Variants in SND1 observed in about 807,000 individuals in gnomAD.
SND1 encodes the protein staphylococcal nuclease and tudor domain containing 1.
SND1 carries 38 observed loss-of-function variants against 121.7 expected under a neutral mutation model. The observed-to-expected ratio is 0.31, with a 90% CI of 0.24 to 0.41. The LOEUF is 0.41. Ranked by LOEUF, SND1 falls within the 10% of genes least tolerant of loss-of-function variation. The pLI is 1.00. For synonymous variants in SND1, 401 were observed against 447.4 expected, an observed-to-expected ratio of 0.90 and a Z score of 1.31; for missense variants, 868 against 1,184.6, an observed-to-expected ratio of 0.73 and a Z score of 3.92.
At chr7:127,662,978 C>A (rs955070699) in intron 1 of SND1, among the ~76,000 whole-genome samples, 1 of 150,400 alleles carries the variant, frequency 6.6e-6, no homozygotes, top group African/African-American at 2.5e-5. Context: ...GCAGCCTCAA[C>A]CTCCCAGGCT....
At position 127,819,968 on chromosome 7, in the gene SND1, CTCTACTGTT is replaced by C. The variant is rs562541435; in HGVS notation, c.1242+12399_1242+12407del. Among the ~76,000 whole-genome samples the C allele has an allele frequency of 2.0e-3, 306 of 152,236 alleles. 2 individuals are homozygous for C. Among genetic ancestry groups the C allele is most frequent in the Admixed American group, 3.4e-3 (52 of 15,288 alleles). ...TTGCTGAGAATGCTATAATGTAAAT[CTCTACTGTT>C]TCTGTGCAGTGACTTTAATTATCTT... On this transcript the variant is annotated intron_variant, in intron 11 of 23. Coordinates refer to ENST00000354725, the MANE Select transcript of SND1 (RefSeq NM_014390.4).
At chr7:127,763,643 T>C (rs750412511) in intron 10 of SND1, among the ~76,000 whole-genome samples, 3 of 152,206 alleles carry the variant, frequency 2.0e-5, no homozygotes, top group African/African-American at 4.8e-5. Flanking sequence ...TTATTGATAA[T>C]TGACAGCAGG....
intron 10 of SND1, among the ~76,000 whole-genome samples, chr7:127,728,867 A>G (rs908464392): frequency 2.0e-5 from 3 of 152,154 alleles, no homozygotes; most frequent in Non-Finnish European, 2.9e-5. Flanking sequence ...GACTTGAGCC[A>G]ATGTGCTGGT....
chr7:127,745,711 A>C (rs1447293875), intron 10 of SND1, among the ~76,000 whole-genome samples: 1 of 152,198 alleles, frequency 6.6e-6, no homozygotes, highest in Non-Finnish European at 1.5e-5. Context: ...GGGCTACCAC[A>C]AAGTTACTTA....
intron 16 of SND1, among the ~76,000 whole-genome samples, chr7:128,022,603 T>C (rs915516170): frequency 2.6e-5 from 4 of 152,240 alleles, no homozygotes; most frequent in Admixed American, 6.5e-5. Context: ...CATCACTATT[T>C]TTATTGGAAA....
chr7:127,814,455 A>G lies in SND1; in HGVS notation c.1242+6882A>G, dbSNP rs575734241. Among the ~76,000 whole-genome samples the G allele has an allele frequency of 2.8e-4, 43 of 152,262 alleles. No individual in the cohort carries two copies. In the South Asian group the frequency reaches 5.6e-3, roughly 20 times the overall value. ...CTTGGGCTTGATGATACTGTGCAGA[A>G]TATCTTATGTTGTAGACGAGTGTGA... is the stretch of plus-strand genomic sequence containing the variant. On this transcript the variant is annotated intron_variant, in intron 11 of 23. Transcript: ENST00000354725.
rs757913114 is a variant in SND1 at position 127,697,471 on chromosome 7, C to CT, written c.350-1401dup. Among the ~76,000 whole-genome samples, 71 of 152,334 alleles carry CT rather than the reference C, an allele frequency of 4.7e-4. 2 individuals carry two copies. The highest frequency in any genetic ancestry group is 6.8e-3 in the Middle Eastern group (2 of 294). The stretch of plus-strand genomic sequence containing the variant: ...ACCTTGTTTGTACCTGGGCTTCGTT[C>CT]TTTCCACCCCCAGATCTCCTGGCAC... On this transcript the variant is annotated intron_variant, in intron 3 of 23. Coordinates refer to ENST00000354725, the MANE Select transcript of SND1 (RefSeq NM_014390.4).
chr7:127,711,257 T>C (rs899159187), intron 9 of SND1, among the ~76,000 whole-genome samples: 1 of 152,238 alleles, frequency 6.6e-6, no homozygotes, highest in Non-Finnish European at 1.5e-5. Context: ...TTTGCAACTT[T>C]GTTTTAGTGG....
Position 128,089,610 on chromosome 7 carries a change from C to T in SND1, c.2540C>T (p.Ser847Phe). 6.2e-7 allele frequency: 1 copy of T among 1,614,190 alleles called. No homozygotes were observed. Among genetic ancestry groups the T allele is most frequent in the African/African-American group, 1.3e-5 (1 of 75,058 alleles). ...CATGTCACCCTGCAGTTTGCAGATTCCAAGGGCGATGTGGGGCTGGGCTTG... is the reference window on the plus strand; with the variant it reads ...CATGTCACCCTGCAGTTTGCAGATTTCAAGGGCGATGTGGGGCTGGGCTTG... ...CPHVTLQFAD[S>F]KGDVGLGLVK... The change falls in exon 22 of 24, where the codon TCC (serine) becomes TTC (phenylalanine). Residue 847 changes from serine to phenylalanine, a missense_variant. Ser to Phe is a radical substitution (Grantham distance 155). Coordinates refer to ENST00000354725, the MANE Select transcript of SND1 (RefSeq NM_014390.4).
rs1290329046 is a variant in SND1 at position 128,074,680 on chromosome 7, A to T, written c.1958A>T (p.Lys653Met). ...TCTGCCGAGGAGGCCGCAAAGCAGA[A>T]GAAAGAGAAGGTACATGTGGCAGCC... ...LLSAEEAAKQ[K>M]KEKVWAHYEE... Residue 653 changes from lysine (K) to methionine (M), a missense_variant, in exon 17 of 24, where the codon AAG becomes ATG. Transcript: ENST00000354725. 1.5e-5 allele frequency: 24 copies of T among 1,610,964 alleles called. No homozygotes were observed. Among genetic ancestry groups the T allele is most frequent in the Admixed American group, 3.3e-5 (2 of 59,752 alleles).
intron 10 of SND1, among the ~76,000 whole-genome samples, chr7:127,799,103 A>T (rs1483063808): frequency 6.6e-6 from 1 of 152,168 alleles, no homozygotes; most frequent in Non-Finnish European, 1.5e-5. Flanking sequence ...GAGTCAGATT[A>T]TCTGGTGTGG....
intron 14 of SND1, among the ~76,000 whole-genome samples, chr7:127,909,905 CAGTT>C (rs1252456097): frequency 3.3e-5 from 5 of 152,188 alleles, no homozygotes; most frequent in East Asian, 3.9e-4. Flanking sequence ...TCCTTTAAAA[CAGTT>C]AGATAAGATT....
intron 16 of SND1, among the ~76,000 whole-genome samples, chr7:128,044,817 G>A (rs561045086): frequency 6.6e-6 from 1 of 152,202 alleles, no homozygotes; most frequent in African/African-American, 2.4e-5. Flanking sequence ...ATATGGAGTA[G>A]AAGGAACATA....
chr7:127,890,741 A>AT (rs1335780233), intron 13 of SND1, among the ~76,000 whole-genome samples: 4 of 152,152 alleles, frequency 2.6e-5, no homozygotes, highest in African/African-American at 9.6e-5. Flanking sequence ...AGATAGTGAA[A>AT]TTTTTTAAGT....
intron 16 of SND1, among the ~76,000 whole-genome samples, chr7:128,022,592 A>G (rs1294214437): frequency 6.6e-6 from 1 of 152,232 alleles, no homozygotes; most frequent in African/African-American, 2.4e-5. Context: ...GAACTGATAG[A>G]CATCACTATT....
intron 16 of SND1, among the ~76,000 whole-genome samples, chr7:128,067,043 C>A (rs1451480070): frequency 6.6e-6 from 1 of 152,182 alleles, no homozygotes; most frequent in African/African-American, 2.4e-5. Flanking sequence ...TCCCTGCTTG[C>A]CCTTCTCTCC....
chr7:127,692,253 A>T (rs1009334747), intron 2 of SND1, among the ~76,000 whole-genome samples: 1 of 152,174 alleles, frequency 6.6e-6, no homozygotes, highest in African/African-American at 2.4e-5. Context: ...AGATATGACA[A>T]CCTTTCTTGG....
intron 10 of SND1, among the ~76,000 whole-genome samples, chr7:127,742,590 G>A (rs536495675): frequency 6.7e-6 from 1 of 149,174 alleles, no homozygotes; most frequent in South Asian, 2.2e-4. Context: ...GGGCGGGTGG[G>A]TAGTGGGATG....
chr7:127,731,146 A>T (rs527984745), intron 10 of SND1, among the ~76,000 whole-genome samples: 1 of 152,342 alleles, frequency 6.6e-6, no homozygotes, highest in South Asian at 2.1e-4. Context: ...TTCTGGCCTG[A>T]GGCATGGTCG....
Sources: allele counts gnomAD v4.1 joint callset (sites outside exome capture counted in the v4.1 genomes callset), GRCh38; gene constraint gnomAD v4.1.1; transcripts MANE v1.5; gene names NCBI Gene and HGNC (gene_info 2026-07-23, HGNC 2026-07-21).